Variants in HMOX1 observed in about 807,000 individuals in gnomAD.
HMOX1 encodes the protein heme oxygenase 1.
HMOX1 carries 22 observed loss-of-function variants against 27.8 expected under a neutral mutation model. The observed-to-expected ratio is 0.79, with a 90% CI of 0.57 to 1.13. HMOX1 has a LOEUF of 1.13. Ranked by LOEUF, HMOX1 falls within the 50% of genes most tolerant of loss-of-function variation. The pLI, the probability that HMOX1 is intolerant of heterozygous loss-of-function variation, is 0.00. For missense variants in HMOX1, 379 were observed against 377.7 expected, an observed-to-expected ratio of 1.00 and a Z score of -0.03; for synonymous variants, 153 against 151.6, an observed-to-expected ratio of 1.01 and a Z score of -0.07.
intron 3 of HMOX1, among the ~76,000 whole-genome samples, chr22:35,389,239 T>TTCTTTCTTTCTTTC (rs879058204): frequency 1.9e-4 from 22 of 112,858 alleles, no homozygotes; most frequent in Non-Finnish European, 2.8e-4. Context: ...CTTTCTTTCT[T>TTCTTTCTTTCTTTC]TTTCTTTCTT....
At chr22:35,392,856 A>G (rs1931755970) in intron 4 of HMOX1, among the ~76,000 whole-genome samples, 1 of 151,138 alleles carries the variant, frequency 6.6e-6, no homozygotes. Flanking sequence ...AGCTGGGATT[A>G]CTGGCACTCG....
intron 2 of HMOX1, among the ~76,000 whole-genome samples, chr22:35,385,926 CAGCT>C: frequency 7.1e-6 from 1 of 140,716 alleles, no homozygotes; most frequent in Non-Finnish European, 1.5e-5. Context: ...CCACCGCGTC[CAGCT>C]GGCTAGTTTA....
At chr22:35,387,333 C>T (rs991692042) in intron 3 of HMOX1, among the ~76,000 whole-genome samples, 157 bp downstream of exon 3, 4 of 152,212 alleles carry the variant, frequency 2.6e-5, no homozygotes, top group African/African-American at 9.7e-5. Flanking sequence ...TGGGCAAATG[C>T]CTTCATCTCT....
At chr22:35,386,398 C>T (rs974163333) in intron 2 of HMOX1, among the ~76,000 whole-genome samples, 3 of 152,326 alleles carry the variant, frequency 2.0e-5, no homozygotes, top group Middle Eastern at 3.4e-3. Context: ...TTTGAGCCAC[C>T]ACACTGGGCC....
rs1931799415 is a variant in HMOX1, at chr22:35,394,128, G to T, written c.*530G>T. 5.1e-6 allele frequency: 1 copy of T among 197,540 alleles called. No homozygotes were observed. Among genetic ancestry groups the T allele is most frequent in the South Asian group, 9.6e-5 (1 of 10,438 alleles). 12.2% of individuals were successfully genotyped at this position (197,540 alleles called of 1,614,324 possible). A position where few individuals can be genotyped will look rare whatever the true frequency, so the allele number is the denominator to read the frequency against. On this transcript the variant is annotated 3_prime_UTR_variant, in exon 5 of 5. Transcript: ENST00000216117. ...GGGGTGGTTTTTGAGCCATGCGTGG[G>T]TGGGGAGGGAGGTGTTTAACGGCAC...
chr22:35,392,110 G>C (rs1931737769), intron 4 of HMOX1, among the ~76,000 whole-genome samples: 1 of 151,276 alleles, frequency 6.6e-6, no homozygotes, highest in Non-Finnish European at 1.5e-5. Flanking sequence ...TGTAATCCCA[G>C]CTACTCGGGA....
chr22:35,386,585 G>C (rs570035512), intron 2 of HMOX1, 100 bp from the exon 3 acceptor site: 3 of 1,482,958 alleles, frequency 2.0e-6, no homozygotes, highest in East Asian at 4.6e-5. Context: ...GCCCAGCTGC[G>C]AAGTGAGGAG....
In HMOX1 at chr22:35,389,894, C is replaced by A. The variant is rs199705355; in HGVS notation, c.667C>A (p.His223Asn). 4 of 1,611,546 alleles carry A rather than the reference C, an allele frequency of 2.5e-6. No homozygotes were observed. Among genetic ancestry groups the A allele is most frequent in the Non-Finnish European group, 2.5e-6 (3 of 1,179,552 alleles). The change falls in exon 4 of 5, where the codon CAT becomes AAT. Residue 223 changes from histidine (H) to asparagine (N), a missense_variant. Transcript: ENST00000216117. Reference sequence around the variant, plus strand: ...TGAGGAGTTGCAGGAGCTGCTGACCCATGACACCAAGGACCAGAGCCCCTC... The same window carrying A: ...TGAGGAGTTGCAGGAGCTGCTGACCAATGACACCAAGGACCAGAGCCCCTC... Reference protein sequence around the residue: ...LFEELQELLTHDTKDQSPSRA... With the variant: ...LFEELQELLTNDTKDQSPSRA...
Position 35,393,485 on chromosome 22 carries a change from A to T in HMOX1, c.754A>T (p.Thr252Ser). 1 of 1,613,452 alleles carries T rather than the reference A, an allele frequency of 6.2e-7. No homozygotes were observed. Among genetic ancestry groups the T allele is most frequent in the African/African-American group, 1.3e-5 (1 of 74,792 alleles). The change falls in exon 5 of 5, where the codon ACT (threonine) becomes TCT (serine). Residue 252 changes from threonine (T) to serine (S), a missense_variant. Transcript: ENST00000216117. ...NKVQDSAPVE[T>S]PRGKPPLNTR... ...TCTTTCAGATTCTGCCCCCGTGGAG[A>T]CTCCCAGAGGGAAGCCCCCACTCAA...
Position 35,394,091 on chromosome 22 carries a change from T to A in HMOX1, c.*493T>A. The A allele has an allele frequency of 4.2e-6, 1 of 238,878 alleles. No individual in the cohort carries two copies. The highest frequency in any genetic ancestry group is 2.2e-5 in the African/African-American group (1 of 44,684). 14.8% of individuals were successfully genotyped at this position (238,878 alleles called of 1,614,324 possible). A position where few individuals can be genotyped will look rare whatever the true frequency, so the allele number is the denominator to read the frequency against. On this transcript the variant is annotated 3_prime_UTR_variant, in exon 5 of 5. Transcript: ENST00000216117. ...TATTTTTGTTGTGTTCTGTTGTTTT[T>A]ATAGCAGGGTTGGGGTGGTTTTTGA...
At chr22:35,389,395 CCTTT>C (rs372672366) in intron 3 of HMOX1, among the ~76,000 whole-genome samples, 3,556 of 51,512 alleles carry the variant, frequency 0.069, 191 homozygotes, top group Non-Finnish European at 0.086. Context: ...TTCCTTCCTT[CCTTT>C]CTTTCTTTCT....
chr22:35,391,467 T>A (rs1931717633), intron 4 of HMOX1, among the ~76,000 whole-genome samples: 1 of 151,962 alleles, frequency 6.6e-6, no homozygotes, highest in South Asian at 2.1e-4. Context: ...TTTTGTATTT[T>A]TAGTAGAGAC....
In HMOX1 at chr22:35,389,273, T is replaced by C. The variant is rs936360438; in HGVS notation, c.637-591T>C. Among the ~76,000 whole-genome samples the C allele has an allele frequency of 1.4e-4, 16 of 111,464 alleles. 1 individual carries two copies. Among genetic ancestry groups the C allele is most frequent in the African/African-American group, 4.9e-4 (8 of 16,306 alleles). 73.1% of individuals were successfully genotyped at this position (111,464 alleles called of 152,430 possible). A position where few individuals can be genotyped will look rare whatever the true frequency, so the allele number is the denominator to read the frequency against. On this transcript the variant is annotated intron_variant, in intron 3 of 4. Transcript: ENST00000216117. The stretch of plus-strand genomic sequence containing the variant: ...TTTTCTCTCTCTCTCTCTCTCTCTC[T>C]CCTCTCTCTCTCTCTCTTCTTTCTT...
Position 35,389,774 on chromosome 22 carries a change from T to C in HMOX1, c.637-90T>C, listed in dbSNP as rs889054531. The C allele has an allele frequency of 1.2e-5, 11 of 890,272 alleles. No homozygotes were observed. The African/African-American group carries it at 1.5e-4, about 12-fold the overall frequency. The allele number at this position is 890,272 out of a possible 1,614,324, so 55.1% of individuals were successfully genotyped here. A position where few individuals can be genotyped will look rare whatever the true frequency, so the allele number is the denominator to read the frequency against. ...TCTTACCATCTTGTTATTTCCAAAGTATTTCCTAACACAACTTAAGGTCCT... is the reference window on the plus strand; with the variant it reads ...TCTTACCATCTTGTTATTTCCAAAGCATTTCCTAACACAACTTAAGGTCCT... On this transcript the variant is annotated intron_variant, in intron 3 of 4. Coordinates refer to ENST00000216117, the MANE Select transcript of HMOX1 (RefSeq NM_002133.3).
chr22:35,382,113 C>T (rs1424648654), intron 1 of HMOX1, among the ~76,000 whole-genome samples: 10 of 152,060 alleles, frequency 6.6e-5, no homozygotes, highest in African/African-American at 2.4e-4. Context: ...GGTCTAAAAG[C>T]CAATCAAAGC....
At chr22:35,387,268 T>C (rs1472693721) in intron 3 of HMOX1, 92 bp downstream of exon 3, 2 of 1,495,820 alleles carry the variant, frequency 1.3e-6, no homozygotes, top group African/African-American at 2.8e-5. Context: ...CTATAGGTCA[T>C]GGTTAACACA....
intron 4 of HMOX1, 83 bp from the exon 5 acceptor site, chr22:35,393,385 C>T (rs867002242): frequency 6.4e-7 from 1 of 1,569,414 alleles, no homozygotes; most frequent in Admixed American, 1.7e-5. Context: ...GACCCTGAGG[C>T]CGCTCTGCTT....
At position 35,393,477 on chromosome 22, in the gene HMOX1, C is replaced by T; in HGVS notation, c.746C>T (p.Pro249Leu). 6.2e-7 allele frequency: 1 copy of T among 1,614,196 alleles called. No individual in the cohort carries two copies. The highest frequency in any genetic ancestry group is 8.5e-7 in the Non-Finnish European group (1 of 1,180,016). The change falls in exon 5 of 5, where the codon CCC (proline) becomes CTC (leucine). Residue 249 changes from proline to leucine, a missense_variant. Transcript: ENST00000216117. ...CCATTTTCTCTTTCAGATTCTGCCC[C>T]CGTGGAGACTCCCAGAGGGAAGCCC... The part of the protein sequence containing the change: ...RASNKVQDSA[P>L]VETPRGKPPL...
intron 2 of HMOX1, among the ~76,000 whole-genome samples, chr22:35,384,673 C>G (rs1931464481): frequency 6.6e-6 from 1 of 151,438 alleles, no homozygotes; most frequent in South Asian, 2.1e-4. Context: ...GGACGTGGCA[C>G]TTATCACAGC....
Sources: allele counts gnomAD v4.1 joint callset (sites outside exome capture counted in the v4.1 genomes callset), GRCh38; gene constraint gnomAD v4.1.1; transcripts MANE v1.5; gene names NCBI Gene and HGNC (gene_info 2026-07-23, HGNC 2026-07-21).